PARN: variants seen among roughly 807,000 people sequenced by gnomAD.
PARN encodes the protein poly(A)-specific ribonuclease.
A neutral mutation model predicts 102.8 loss-of-function variants in PARN; 71 were observed. The observed-to-expected ratio is 0.69, with a 90% CI of 0.57 to 0.84. The LOEUF is 0.84. Ranked by LOEUF, PARN falls within the 40% of genes least tolerant of loss-of-function variation. The pLI, the probability that PARN is intolerant of heterozygous loss-of-function variation, is 0.00. For missense variants in PARN, 782 were observed against 760.9 expected (o/e 1.03, Z -0.33); for synonymous variants, 261 against 252.9 (o/e 1.03, Z -0.30).
At chr16:14,560,348 AG>A (rs1465312287) in intron 18 of PARN, among the ~76,000 whole-genome samples, 22 of 152,250 alleles carry the variant, frequency 1.4e-4, no homozygotes, top group Non-Finnish European at 3.1e-4. Context: ...AAGATCCGAG[AG>A]GGTGTAACAC....
At chr16:14,497,808 T>C (rs1458057795) in intron 21 of PARN, among the ~76,000 whole-genome samples, 4 of 152,180 alleles carry the variant, frequency 2.6e-5, no homozygotes, top group African/African-American at 7.2e-5. Context: ...TGTGGATGTT[T>C]TGAAGTGGTT....
At chr16:14,560,853 T>G (rs1968011299) in intron 18 of PARN, among the ~76,000 whole-genome samples, 1 of 152,234 alleles carries the variant, frequency 6.6e-6, no homozygotes. Context: ...CTCCAAACTT[T>G]TTTGTGAAAC....
chr16:14,502,867 G>A (rs889467440), intron 21 of PARN, among the ~76,000 whole-genome samples: 4 of 152,102 alleles, frequency 2.6e-5, no homozygotes, highest in Non-Finnish European at 4.4e-5. Context: ...ATTACTACAA[G>A]CCACTGAAGA....
chr16:14,549,391 G>C (rs1474487722), intron 21 of PARN, among the ~76,000 whole-genome samples: 1 of 152,104 alleles, frequency 6.6e-6, no homozygotes, highest in Non-Finnish European at 1.5e-5. Flanking sequence ...AGAGGACTCA[G>C]GGCCAAACAA....
chr16:14,623,523 AAAAAG>A (rs1347284791), intron 5 of PARN, among the ~76,000 whole-genome samples: 1 of 151,588 alleles, frequency 6.6e-6, no homozygotes, highest in Non-Finnish European at 1.5e-5. Flanking sequence ...AAAAACAAAA[AAAAAG>A]AAAAGAAAAA....
intron 21 of PARN, among the ~76,000 whole-genome samples, chr16:14,551,629 G>A (rs1455591400): frequency 6.6e-6 from 1 of 151,462 alleles, no homozygotes; most frequent in Admixed American, 6.6e-5. Context: ...GTTTAATGGA[G>A]TGAATAAATC....
At chr16:14,481,053 T>C (rs542079938) in intron 22 of PARN, among the ~76,000 whole-genome samples, 3 of 152,292 alleles carry the variant, frequency 2.0e-5, no homozygotes, top group Admixed American at 6.5e-5. Context: ...CATATCAAAC[T>C]TGTACTATAA....
chr16:14,567,238 T>A (rs1332976859), intron 18 of PARN, among the ~76,000 whole-genome samples: 1 of 152,126 alleles, frequency 6.6e-6, no homozygotes, highest in Non-Finnish European at 1.5e-5. Flanking sequence ...GAAAATATAT[T>A]TTGTGAACTA....
chr16:14,447,921 G>A (rs1446177412), intron 22 of PARN, among the ~76,000 whole-genome samples: 1 of 151,482 alleles, frequency 6.6e-6, no homozygotes, highest in Non-Finnish European at 1.5e-5. Context: ...TTCCTAGGAG[G>A]TGGGTACTTT....
intron 23 of PARN, among the ~76,000 whole-genome samples, chr16:14,439,480 T>C (rs1960856740): frequency 6.6e-6 from 1 of 152,054 alleles, no homozygotes; most frequent in South Asian, 2.1e-4. Flanking sequence ...TGCCTTTTGC[T>C]ACAGTGGACC....
At chr16:14,446,596 C>G (rs1405535443) in intron 23 of PARN, among the ~76,000 whole-genome samples, 1 of 152,036 alleles carries the variant, frequency 6.6e-6, no homozygotes, top group African/African-American at 2.4e-5. Context: ...AATATTGAGG[C>G]TGCTTTAAAC....
intron 13 of PARN, among the ~76,000 whole-genome samples, chr16:14,588,235 C>T (rs982545255): frequency 2.6e-5 from 4 of 152,152 alleles, no homozygotes; most frequent in Admixed American, 2.6e-4. Flanking sequence ...TTAAACAAAG[C>T]ACCTCTTAGG....
At chr16:14,455,603 G>A (rs1275453842) in intron 22 of PARN, among the ~76,000 whole-genome samples, 1 of 152,136 alleles carries the variant, frequency 6.6e-6, no homozygotes, top group Non-Finnish European at 1.5e-5. Context: ...CCAACTTAAG[G>A]GCTGCTGCCA....
At chr16:14,532,448 C>A (rs1057403834) in intron 21 of PARN, among the ~76,000 whole-genome samples, 22 of 152,154 alleles carry the variant, frequency 1.4e-4, no homozygotes, top group South Asian at 4.2e-4. Flanking sequence ...ATCCATTTAA[C>A]CCTGAGTGGA....
chr16:14,482,106 C>A (rs1229760367), intron 22 of PARN, among the ~76,000 whole-genome samples: 2 of 152,156 alleles, frequency 1.3e-5, no homozygotes, highest in African/African-American at 4.8e-5. Flanking sequence ...GGGAGTAAGA[C>A]ATATCCTGGG....
rs556421705 is a variant in PARN, at chr16:14,561,298, C to T, written c.1263-5589G>A. On this transcript the variant is annotated intron_variant, in intron 18 of 23. Transcript: ENST00000437198. ...CTTGAACCGTTAGCAAAATGTGCTT[C>T]CCCGCCAACTGGATCAGCATCACCT... Among the ~76,000 whole-genome samples the T allele has an allele frequency of 1.8e-4, 27 of 152,176 alleles. No individual in the cohort carries two copies. In the South Asian group the frequency reaches 5.2e-3, roughly 29 times the overall value.
intron 12 of PARN, among the ~76,000 whole-genome samples, 190 bp downstream of exon 12, chr16:14,599,714 A>C (rs899896668): frequency 1.3e-4 from 20 of 152,216 alleles, no homozygotes; most frequent in African/African-American, 4.8e-4. Context: ...AATTGATTTG[A>C]ATATAATTTA....
chr16:14,625,224 C>T (rs1972569273), intron 5 of PARN, among the ~76,000 whole-genome samples: 1 of 151,356 alleles, frequency 6.6e-6, no homozygotes. Flanking sequence ...CAAAACAAAA[C>T]TGTAAGGCCG....
chr16:14,620,886 T>C (rs935648058), intron 5 of PARN, among the ~76,000 whole-genome samples: 1 of 152,234 alleles, frequency 6.6e-6, no homozygotes, highest in Non-Finnish European at 1.5e-5. Context: ...GTTCTATTCA[T>C]ACCATAGTGA....
Sources: gnomAD v4.1 joint callset for allele counts (sites outside exome capture counted in the v4.1 genomes callset) on GRCh38, gnomAD v4.1.1 for gene constraint, MANE v1.5 for transcripts, NCBI Gene and HGNC (gene_info 2026-07-23, HGNC 2026-07-21) for gene names.